ARL15: variants seen among roughly 807,000 people sequenced by gnomAD.
ARL15 encodes ARF like GTPase 15.
ARL15 carries 19 observed loss-of-function variants against 25.2 expected under a neutral mutation model. That is an observed-to-expected ratio of 0.75 (90% CI 0.53 to 1.10). The LOEUF is 1.10. Ranked by LOEUF, ARL15 falls within the 50% of genes least tolerant of loss-of-function variation. The pLI is 0.00. For synonymous variants in ARL15, 94 were observed against 86.8 expected (o/e 1.08, Z -0.46); for missense variants, 220 against 246.0 (o/e 0.89, Z 0.71).
intron 1 of ARL15, among the ~76,000 whole-genome samples, chr5:54,215,078 A>AAT (rs1250934234): frequency 6.6e-6 from 1 of 151,418 alleles, no homozygotes; most frequent in Non-Finnish European, 1.5e-5. Flanking sequence ...CCTTCTTATC[A>AAT]CTTGAGGGGG....
intron 4 of ARL15, among the ~76,000 whole-genome samples, chr5:54,089,748 G>C (rs185721957): frequency 2.0e-4 from 30 of 152,180 alleles, no homozygotes; most frequent in South Asian, 4.2e-4. Flanking sequence ...ACATGAAAAG[G>C]ATGAAAGAAA....
intron 4 of ARL15, among the ~76,000 whole-genome samples, chr5:53,978,317 C>T (rs1452701211): frequency 6.6e-6 from 1 of 152,090 alleles, no homozygotes; most frequent in East Asian, 1.9e-4. Context: ...TGGGACATAA[C>T]TCCTCAGTCA....
chr5:54,223,359 T>C (rs1158928469), intron 1 of ARL15, among the ~76,000 whole-genome samples: 1 of 152,236 alleles, frequency 6.6e-6, no homozygotes, highest in African/African-American at 2.4e-5. Context: ...TAAAATTCTT[T>C]ATTAAAGAAT....
intron 4 of ARL15, among the ~76,000 whole-genome samples, chr5:53,918,330 T>C (rs906446025): frequency 6.6e-6 from 1 of 151,962 alleles, no homozygotes; most frequent in African/African-American, 2.4e-5. Flanking sequence ...GGACAACAAA[T>C]GTGTACTACC....
At chr5:54,133,515 T>C (rs1753502317) in intron 3 of ARL15, among the ~76,000 whole-genome samples, 1 of 152,180 alleles carries the variant, frequency 6.6e-6, no homozygotes, top group Admixed American at 6.5e-5. Flanking sequence ...ATATCGCTAT[T>C]AACAGACACA....
chr5:54,046,421 C>T (rs991461708), intron 4 of ARL15, among the ~76,000 whole-genome samples: 1 of 152,134 alleles, frequency 6.6e-6, no homozygotes. Flanking sequence ...GCAGAGGTTG[C>T]AGTGAGCCGA....
chr5:53,886,840 T>C, intron 4 of ARL15, 127 bp from the exon 5 acceptor site: 1 of 851,544 alleles, frequency 1.2e-6, no homozygotes. Flanking sequence ...TGCCTACAAC[T>C]TTGCAATGTG....
intron 1 of ARL15, among the ~76,000 whole-genome samples, chr5:54,208,430 A>G (rs754810626): frequency 1.3e-5 from 2 of 152,092 alleles, no homozygotes; most frequent in Non-Finnish European, 2.9e-5. Context: ...ACACACACAT[A>G]TTCACACACC....
At chr5:54,131,765 T>C (rs1261393416) in intron 3 of ARL15, among the ~76,000 whole-genome samples, 2 of 152,104 alleles carry the variant, frequency 1.3e-5, no homozygotes, top group African/African-American at 2.4e-5. Flanking sequence ...AATTACTGAG[T>C]ATTGTTTTTA....
At chr5:53,925,069 T>TA (rs3839229) in intron 4 of ARL15, among the ~76,000 whole-genome samples, 2 of 151,068 alleles carry the variant, frequency 1.3e-5, no homozygotes, top group South Asian at 2.1e-4. Flanking sequence ...TTTTCAACAT[T>TA]AAAAAAAAAA....
chr5:54,123,399 G>A (rs1204014085), intron 3 of ARL15, among the ~76,000 whole-genome samples: 1 of 152,122 alleles, frequency 6.6e-6, no homozygotes, highest in Non-Finnish European at 1.5e-5. Context: ...GTGAGCCAAC[G>A]CACCCGGCTC....
intron 4 of ARL15, among the ~76,000 whole-genome samples, chr5:54,071,097 G>A (rs913688159): frequency 2.0e-5 from 3 of 151,820 alleles, no homozygotes; most frequent in African/African-American, 7.3e-5. Context: ...TTGAGGCAGG[G>A]AGGTCAGGGC....
intron 4 of ARL15, among the ~76,000 whole-genome samples, chr5:54,070,905 A>G (rs2112070676): frequency 6.6e-6 from 1 of 152,232 alleles, no homozygotes; most frequent in Non-Finnish European, 1.5e-5. Context: ...GCAATGGCTC[A>G]TGTCTGTAAT....
At chr5:53,993,717 T>C (rs182539396) in intron 4 of ARL15, among the ~76,000 whole-genome samples, 13 of 152,276 alleles carry the variant, frequency 8.5e-5, no homozygotes, top group Admixed American at 5.9e-4. Flanking sequence ...TTCTAGGTAA[T>C]AGCAATTTAA....
Position 54,054,740 on chromosome 5 carries a change from A to C in ARL15, c.462+58462T>G, listed in dbSNP as rs184231553. 5.3e-3 allele frequency among the ~76,000 whole-genome samples: 803 copies of C among 152,290 alleles called. 3 individuals are homozygous for C. The highest frequency in any genetic ancestry group is 0.012 in the Admixed American group (180 of 15,298). On this transcript the variant is annotated intron_variant, in intron 4 of 4. Transcript: ENST00000504924. ...AGAAGGCGGAGCTTGCAGTGAGCCA[A>C]GATCGCGCCACTGCACTCCAGCCTG... is the stretch of plus-strand genomic sequence containing the variant.
chr5:53,933,698 G>A (rs1257799579), intron 4 of ARL15, among the ~76,000 whole-genome samples: 1 of 140,422 alleles, frequency 7.1e-6, no homozygotes, highest in African/African-American at 2.5e-5. Flanking sequence ...ACATCAGAAT[G>A]AACACTTAAA....
At chr5:54,056,649 G>C (rs542903484) in intron 4 of ARL15, among the ~76,000 whole-genome samples, 1 of 149,140 alleles carries the variant, frequency 6.7e-6, no homozygotes, top group East Asian at 2.0e-4. Flanking sequence ...AAAAAAGTCT[G>C]ATTCAAATTC....
intron 4 of ARL15, among the ~76,000 whole-genome samples, chr5:53,913,016 C>G (rs1314842265): frequency 6.6e-6 from 1 of 152,160 alleles, no homozygotes; most frequent in African/African-American, 2.4e-5. Context: ...ACAGGGTGGT[C>G]AGGCCAGGCA....
intron 1 of ARL15, among the ~76,000 whole-genome samples, chr5:54,292,737 G>A (rs1758366103): frequency 6.6e-6 from 1 of 152,100 alleles, no homozygotes; most frequent in South Asian, 2.1e-4. Flanking sequence ...CTATGCGCTA[G>A]GTATTTTTAT....
Sources: gnomAD v4.1 joint callset for allele counts (sites outside exome capture counted in the v4.1 genomes callset) on GRCh38, gnomAD v4.1.1 for gene constraint, MANE v1.5 for transcripts, NCBI Gene and HGNC (gene_info 2026-07-23, HGNC 2026-07-21) for gene names.